The following RASGEF1C variants were observed in gnomAD, a reference collection of about 807,000 sequenced individuals.
RASGEF1C encodes RasGEF domain family member 1C, also known as ras-GEF domain-containing family member 1C.
In RASGEF1C, 27 loss-of-function variants were observed where a neutral mutation model predicts 58.1. The ratio of observed to expected loss-of-function variants is 0.46; its 90% CI spans 0.34 to 0.64. The LOEUF (loss-of-function observed/expected upper bound fraction) is 0.64. Among genes scored for constraint, RASGEF1C ranks in the 30% least tolerant of loss-of-function variants. The pLI is 0.01. For synonymous variants in RASGEF1C, 243 were observed against 246.3 expected (o/e 0.99, Z 0.13); for missense variants, 502 against 605.1 (o/e 0.83, Z 1.79).
At chr5:180,115,464 C>A (rs1195265290) in intron 10 of RASGEF1C, 4 of 280,348 alleles carry the variant, frequency 1.4e-5, no homozygotes, top group Non-Finnish European at 2.9e-5. Flanking sequence ...GCAGGCCCCC[C>A]CAGACTCTTC....
chr5:180,149,061 TTTCTA>T (rs1434941418), intron 1 of RASGEF1C, among the ~76,000 whole-genome samples: 2 of 150,688 alleles, frequency 1.3e-5, no homozygotes, highest in African/African-American at 4.9e-5. Context: ...TAAGGTTTCT[TTTCTA>T]CTTTTTCTTT....
chr5:180,136,244 A>G (rs923403886), intron 4 of RASGEF1C, 134 bp downstream of exon 4: 1 of 939,400 alleles, frequency 1.1e-6, no homozygotes, highest in Non-Finnish European at 1.6e-6. Flanking sequence ...TTGATAGGCC[A>G]GAAAGCGGCT....
At chr5:180,157,495 C>T (rs7447697) in intron 1 of RASGEF1C, among the ~76,000 whole-genome samples, 22,947 of 151,446 alleles carry the variant, frequency 0.15, 1,857 homozygotes, top group East Asian at 0.18. Flanking sequence ...GGCATGGTGG[C>T]GCATGCTTGT....
intron 1 of RASGEF1C, among the ~76,000 whole-genome samples, chr5:180,141,985 G>A (rs1766587739): frequency 1.3e-5 from 2 of 152,220 alleles, no homozygotes; most frequent in African/African-American, 2.4e-5. Context: ...TGGGACAATT[G>A]TTTATTGTTA....
At chr5:180,161,025 G>A (rs980682935) in intron 1 of RASGEF1C, among the ~76,000 whole-genome samples, 1 of 152,250 alleles carries the variant, frequency 6.6e-6, no homozygotes, top group African/African-American at 2.4e-5. Context: ...AGAGAGGCCG[G>A]GAAGGGGCCC....
chr5:180,190,093 A>C (rs1756119887), intron 1 of RASGEF1C, among the ~76,000 whole-genome samples: 1 of 151,960 alleles, frequency 6.6e-6, no homozygotes, highest in African/African-American at 2.4e-5. Flanking sequence ...TCCTGTCAGT[A>C]ATCCCAACAC....
intron 1 of RASGEF1C, among the ~76,000 whole-genome samples, chr5:180,153,061 G>T (rs1199077660): frequency 6.6e-6 from 1 of 152,098 alleles, no homozygotes; most frequent in East Asian, 1.9e-4. Flanking sequence ...ATATGTTACT[G>T]CTTTTGAATG....
In RASGEF1C at chr5:180,197,879, T is replaced by TAA. The variant is rs1756307939; in HGVS notation, c.-7+11147_-7+11148dup. 6.6e-6 allele frequency among the ~76,000 whole-genome samples: 1 copy of TAA among 152,250 alleles called. No individual in the cohort carries two copies. Among genetic ancestry groups the TAA allele is most frequent in the Non-Finnish European group, 1.5e-5 (1 of 68,046 alleles). ...GTAGATATTTCCTCTGCAGGGGCAC[T>TAA]AATTAGCTGATTCCAAGAGTCTGCA... On this transcript the variant is annotated intron_variant, in intron 1 of 13. Transcript: ENST00000361132. This position sits in a 1 kb window ranked among gnomAD's most constrained non-coding sequence, Gnocchi z 4.7.
intron 11 of RASGEF1C, among the ~76,000 whole-genome samples, chr5:180,112,926 CGGG>C (rs1765983973): frequency 4.0e-5 from 2 of 50,130 alleles, no homozygotes; most frequent in African/African-American, 8.3e-5. Context: ...CAGAGGGATC[CGGG>C]ATGGACGGAG....
At position 180,197,265 on chromosome 5, in the gene RASGEF1C, T is replaced by G. The variant is rs1279837251; in HGVS notation, c.-7+11763A>C. Among the ~76,000 whole-genome samples the G allele has an allele frequency of 6.6e-6, 1 of 152,188 alleles. No individual in the cohort carries two copies. Among genetic ancestry groups the G allele is most frequent in the East Asian group, 1.9e-4 (1 of 5,196 alleles). The stretch of plus-strand genomic sequence containing the variant: ...CACCTGTGAATCACTCAACAATGGC[T>G]GGGACAGAGGGGAGCCCGAACCCTG... On this transcript the variant is annotated intron_variant, in intron 1 of 13. Coordinates refer to ENST00000361132, the MANE Select transcript of RASGEF1C (RefSeq NM_175062.4). This position sits in a 1 kb window ranked among gnomAD's most constrained non-coding sequence, Gnocchi z 4.7.
rs1323128301 is a variant in RASGEF1C, at chr5:180,115,443, G to T, written c.1084-902C>A. On this transcript the variant is annotated intron_variant, in intron 10 of 13. Coordinates refer to ENST00000361132, the MANE Select transcript of RASGEF1C (RefSeq NM_175062.4). ...TCACGGACCCCGCCTGTGAAGGGCT[G>T]CGGGCTGCGTGCAGGCCCCCCCAGA... 4.3e-4 allele frequency: 141 copies of T among 326,590 alleles called. 1 individual carries two copies. The highest frequency in any genetic ancestry group is 3.3e-3 in the South Asian group (130 of 38,930). The allele number at this position is 326,590 out of a possible 1,614,324, so 20.2% of individuals were successfully genotyped here.
intron 1 of RASGEF1C, among the ~76,000 whole-genome samples, chr5:180,207,917 T>C (rs977409218): frequency 6.6e-6 from 1 of 152,186 alleles, no homozygotes; most frequent in Non-Finnish European, 1.5e-5. Flanking sequence ...TGCATGTTCT[T>C]CCCAGCACGC....
chr5:180,206,620 A>G (rs1454261480), intron 1 of RASGEF1C, among the ~76,000 whole-genome samples: 1 of 152,254 alleles, frequency 6.6e-6, no homozygotes, highest in East Asian at 1.9e-4. Context: ...TTAACAATAT[A>G]GGTGCAAAGT....
Position 180,193,296 on chromosome 5 carries a change from C to T in RASGEF1C, c.-7+15732G>A, listed in dbSNP as rs184481012. Among the ~76,000 whole-genome samples the T allele has an allele frequency of 1.3e-3, 198 of 150,618 alleles. No individual in the cohort carries two copies. In the Middle Eastern group the frequency reaches 0.034, roughly 26 times the overall value. ...GGTCTCGATCTCCTGACCTCGTGAT[C>T]CGCCTGCCTCGGCCTCCCAAAGTGC... On this transcript the variant is annotated intron_variant, in intron 1 of 13. Coordinates refer to ENST00000361132, the MANE Select transcript of RASGEF1C (RefSeq NM_175062.4).
chr5:180,172,617 G>T (rs370200596), intron 1 of RASGEF1C, among the ~76,000 whole-genome samples: 3 of 152,164 alleles, frequency 2.0e-5, no homozygotes, highest in African/African-American at 7.2e-5. Context: ...AAAGAGCCAG[G>T]TCTGTACTGT....
At chr5:180,128,821 T>C (rs1024472122) in intron 4 of RASGEF1C, among the ~76,000 whole-genome samples, 1 of 151,670 alleles carries the variant, frequency 6.6e-6, no homozygotes, top group African/African-American at 2.4e-5. Flanking sequence ...GCAAGGGATC[T>C]GGGGTGAAGG....
At chr5:180,118,354 C>G (rs1019021138) in intron 10 of RASGEF1C, among the ~76,000 whole-genome samples, 1 of 152,178 alleles carries the variant, frequency 6.6e-6, no homozygotes, top group Non-Finnish European at 1.5e-5. Context: ...TCGTGTGGCC[C>G]CCCAAGAAAG....
intron 4 of RASGEF1C, among the ~76,000 whole-genome samples, chr5:180,131,229 G>GAT (rs1243386168): frequency 6.6e-5 from 10 of 152,132 alleles, no homozygotes; most frequent in South Asian, 2.1e-4. Context: ...CTTGTGCAAA[G>GAT]ATAGGAGCCC....
chr5:180,121,828 T>C (rs1004247261), intron 6 of RASGEF1C, among the ~76,000 whole-genome samples: 6 of 152,216 alleles, frequency 3.9e-5, no homozygotes, highest in Non-Finnish European at 8.8e-5. Context: ...TCCGCAAGCA[T>C]CTCCAGAGGA....
Sources: gnomAD v4.1 joint callset for allele counts (sites outside exome capture counted in the v4.1 genomes callset) on GRCh38, gnomAD v4.1.1 for gene constraint, Gnocchi (gnomAD v3.1) non-coding constraint, MANE v1.5 for transcripts, NCBI Gene and HGNC (gene_info 2026-07-23, HGNC 2026-07-21) for gene names.